Variants in BCAR3 observed in about 807,000 individuals in gnomAD.
BCAR3 encodes the protein breast cancer anti-estrogen resistance protein 3.
In BCAR3, 37 loss-of-function variants were observed where a neutral mutation model predicts 80.1. The observed-to-expected ratio is 0.46, with a 90% CI of 0.36 to 0.61. The LOEUF (loss-of-function observed/expected upper bound fraction) is 0.61, where lower values mean the gene tolerates loss of function less well. Among genes scored for constraint, BCAR3 ranks in the 20% least tolerant of loss-of-function variants. The probability of loss-of-function intolerance (pLI) is 0.00; values close to 1 mark genes in which losing one functional copy is unlikely to be tolerated. For synonymous variants in BCAR3, 389 were observed against 418.9 expected (o/e 0.93, Z 0.87); for missense variants, 978 against 1,068.2 (o/e 0.92, Z 1.18).
At chr1:93,637,093 C>T (rs1328784049) in intron 3 of BCAR3, among the ~76,000 whole-genome samples, 2 of 151,776 alleles carry the variant, frequency 1.3e-5, no homozygotes, top group Non-Finnish European at 2.9e-5. Context: ...AAGCCCCTGT[C>T]TCAAAAAACA....
At chr1:93,620,882 A>C (rs1223645498) in intron 3 of BCAR3, among the ~76,000 whole-genome samples, 1 of 152,192 alleles carries the variant, frequency 6.6e-6, no homozygotes, top group African/African-American at 2.4e-5. Flanking sequence ...GTCCTCCCAG[A>C]TACTGCCTTC....
At chr1:93,687,312 A>T (rs1464842897) in intron 3 of BCAR3, among the ~76,000 whole-genome samples, 2 of 152,056 alleles carry the variant, frequency 1.3e-5, no homozygotes, top group East Asian at 1.9e-4. Context: ...ATTTTTATTT[A>T]TATATTTCTT....
rs372373210 is a variant in BCAR3 at position 93,841,821 on chromosome 1, TACCAGC to T, written c.-63+3740_-63+3745del. On this transcript the variant is annotated intron_variant, in intron 2 of 13. Coordinates refer to the BCAR3 transcript ENST00000370244. ...TACTCTGAACCCCAGTGACCTTCTT[TACCAGC>T]ACCTGCTGCAACCAAGGTCAAGTTT... Among the ~76,000 whole-genome samples, 443 of 152,346 alleles carry T rather than the reference TACCAGC, an allele frequency of 2.9e-3. 1 individual carries two copies. Among genetic ancestry groups the T allele is most frequent in the African/African-American group, 0.01 (433 of 41,572 alleles).
rs559158410 is a variant in BCAR3 at position 93,833,583 on chromosome 1, C to A, written c.-63+11984G>T. The stretch of plus-strand genomic sequence containing the variant: ...TAGAAGCCTCCCCTGGGAATGCATT[C>A]TTTTCCCAGGGCTGTTCCTTGCTGA... On this transcript the variant is annotated intron_variant, in intron 2 of 13. Coordinates refer to the BCAR3 transcript ENST00000370244. Among the ~76,000 whole-genome samples the A allele has an allele frequency of 2.0e-5, 3 of 152,296 alleles. No individual in the cohort carries two copies. The South Asian group carries it at 6.2e-4, about 32-fold the overall frequency.
At chr1:93,572,591 A>G (rs957773261) in intron 8 of BCAR3, among the ~76,000 whole-genome samples, 1 of 152,224 alleles carries the variant, frequency 6.6e-6, no homozygotes, top group Admixed American at 6.5e-5. Context: ...CAGGATCAAT[A>G]TGAATGGGGT....
intron 3 of BCAR3, among the ~76,000 whole-genome samples, chr1:93,633,417 T>A (rs1055636129): frequency 6.6e-6 from 1 of 152,176 alleles, no homozygotes; most frequent in South Asian, 2.1e-4. Context: ...CTGGTAACAC[T>A]TTCTTCCCAC....
In BCAR3 at chr1:93,825,572, C is replaced by T. The variant is rs137911789; in HGVS notation, c.-63+19995G>A. Among the ~76,000 whole-genome samples, 6 of 133,712 alleles carry T rather than the reference C, an allele frequency of 4.5e-5. 1 individual carries two copies. In the East Asian group the frequency reaches 1.5e-3, roughly 32 times the overall value. 87.7% of individuals were successfully genotyped at this position (133,712 alleles called of 152,430 possible). ...ACAGGTCATGCTCCCTGCCTTTCTG[C>T]ACTCTCTGCCTGCCCCTTGCCATGG... On this transcript the variant is annotated intron_variant, in intron 2 of 13. Coordinates refer to the BCAR3 transcript ENST00000370244.
chr1:93,677,352 A>C (rs1648535062), intron 1 of BCAR3, among the ~76,000 whole-genome samples: 1 of 152,208 alleles, frequency 6.6e-6, no homozygotes, highest in Admixed American at 6.5e-5. Flanking sequence ...GAAGCCGAGA[A>C]GCATTTCCCA....
chr1:93,706,314 G>C (rs1649826880), intron 2 of BCAR3, among the ~76,000 whole-genome samples: 1 of 152,140 alleles, frequency 6.6e-6, no homozygotes, highest in African/African-American at 2.4e-5. Flanking sequence ...GGGCTGCAGA[G>C]CTCACACCGC....
chr1:93,790,636 T>TC (rs1423974830), intron 2 of BCAR3, among the ~76,000 whole-genome samples: 1 of 56,642 alleles, frequency 1.8e-5, no homozygotes, highest in African/African-American at 6.6e-5. Context: ...TTGTATTCAT[T>TC]TTTTTTTTTT....
intron 2 of BCAR3, among the ~76,000 whole-genome samples, chr1:93,838,319 T>A (rs1451862469): frequency 3.3e-5 from 5 of 152,182 alleles, no homozygotes. Context: ...GAGAAAAACC[T>A]GAGGAGCATC....
intron 3 of BCAR3, among the ~76,000 whole-genome samples, chr1:93,605,130 T>G (rs1224679604): frequency 6.6e-6 from 1 of 152,184 alleles, no homozygotes; most frequent in African/African-American, 2.4e-5. Flanking sequence ...AGATGATGAC[T>G]TCCTGGAGCA....
intron 9 of BCAR3, among the ~76,000 whole-genome samples, chr1:93,568,304 C>A (rs1335978327): frequency 3.9e-5 from 6 of 152,032 alleles, no homozygotes; most frequent in Non-Finnish European, 7.4e-5. Flanking sequence ...AAAAAATAAT[C>A]CCCCATCCGC....
chr1:93,639,956 A>T (rs757096312), intron 3 of BCAR3, among the ~76,000 whole-genome samples: 3 of 152,114 alleles, frequency 2.0e-5, no homozygotes, highest in Non-Finnish European at 4.4e-5. Context: ...TGGCTTCTTG[A>T]TGCTTGTTTT....
At chr1:93,803,499 A>G (rs1008601648) in intron 2 of BCAR3, among the ~76,000 whole-genome samples, 2 of 152,148 alleles carry the variant, frequency 1.3e-5, no homozygotes, top group African/African-American at 4.8e-5. Flanking sequence ...ATAGACCTCT[A>G]CCAGAAAAAG....
intron 2 of BCAR3, among the ~76,000 whole-genome samples, chr1:93,723,773 T>C (rs1200982764): frequency 1.3e-5 from 2 of 152,146 alleles, no homozygotes; most frequent in Non-Finnish European, 2.9e-5. Context: ...AAAAAGAGGC[T>C]GTGATAACCA....
chr1:93,679,307 T>C (rs887073633), intron 1 of BCAR3, among the ~76,000 whole-genome samples: 2 of 152,318 alleles, frequency 1.3e-5, no homozygotes, highest in South Asian at 2.1e-4. Flanking sequence ...ATCTCTGTTA[T>C]ACTGAGGGTT....
In BCAR3 at chr1:93,567,737, C is replaced by T. The variant is rs778100504; in HGVS notation, c.2086+3G>A. The T allele has an allele frequency of 6.2e-7, 1 of 1,612,668 alleles. No individual in the cohort carries two copies. On this transcript the variant is annotated splice_donor_region_variant and intron_variant, in intron 10 of 11. Transcript: ENST00000260502. The stretch of plus-strand genomic sequence containing the variant: ...CCCATGCTTGCTCTGCCCACGTGCT[C>T]ACCTCTGCCTTCATGCAGGAGTTTG...
At chr1:93,570,012 A>T (rs769743430) in intron 9 of BCAR3, among the ~76,000 whole-genome samples, 5 of 152,266 alleles carry the variant, frequency 3.3e-5, no homozygotes, top group Non-Finnish European at 7.3e-5. Context: ...AACCCGTTAT[A>T]GTAGAAATCA....
Sources: gnomAD v4.1 joint callset for allele counts (sites outside exome capture counted in the v4.1 genomes callset) on GRCh38, gnomAD v4.1.1 for gene constraint, MANE v1.5 for transcripts, NCBI Gene and HGNC (gene_info 2026-07-23, HGNC 2026-07-21) for gene names.